The following SLC24A3 variants were observed in gnomAD, a reference collection of about 807,000 sequenced individuals.
SLC24A3 encodes sodium/potassium/calcium exchanger 3.
Under a neutral mutation model 75.8 loss-of-function variants are expected in SLC24A3, and 28 were observed. The observed-to-expected ratio is 0.37, with a 90% confidence interval of 0.27 to 0.51. The LOEUF (loss-of-function observed/expected upper bound fraction) is 0.51, where lower values mean the gene tolerates loss of function less well. Ranked by LOEUF, SLC24A3 falls within the 20% of genes least tolerant of loss-of-function variation. The pLI is 0.94. For missense variants in SLC24A3, 663 were observed against 847.8 expected (o/e 0.78, Z 2.71); for synonymous variants, 372 against 334.1 (o/e 1.11, Z -1.24).
chr20:19,561,532 G>A (rs571131452), intron 3 of SLC24A3, among the ~76,000 whole-genome samples: 34 of 152,116 alleles, frequency 2.2e-4, no homozygotes, highest in Non-Finnish European at 4.4e-4. Flanking sequence ...AGATGCAGTC[G>A]AAGAATAAGC....
chr20:19,598,903 TATAC>T (rs1429556114), intron 6 of SLC24A3, among the ~76,000 whole-genome samples: 7 of 123,348 alleles, frequency 5.7e-5, no homozygotes, highest in African/African-American at 2.4e-4. Flanking sequence ...TATATATGTA[TATAC>T]ACACACACAC....
At position 19,615,177 on chromosome 20, in the gene SLC24A3, T is replaced by A. The variant is rs573039111; in HGVS notation, c.612+29633T>A. ...GGGGAAGAGGAGAGTCATTTAAAAA[T>A]ATATATATCATGGAGGGATCAAATC... On this transcript the variant is annotated intron_variant, in intron 6 of 16. Transcript: ENST00000328041. Among the ~76,000 whole-genome samples the A allele has an allele frequency of 2.2e-4, 33 of 152,218 alleles. No individual in the cohort carries two copies. The South Asian group carries it at 6.0e-3, about 28-fold the overall frequency.
At chr20:19,566,244 A>T (rs1289014638) in intron 3 of SLC24A3, among the ~76,000 whole-genome samples, 1 of 152,232 alleles carries the variant, frequency 6.6e-6, no homozygotes, top group Non-Finnish European at 1.5e-5. Context: ...AAGAGATTGT[A>T]TCTAGAAGCC....
intron 2 of SLC24A3, among the ~76,000 whole-genome samples, chr20:19,359,388 C>A (rs898008475): frequency 6.6e-5 from 10 of 152,142 alleles, no homozygotes; most frequent in Non-Finnish European, 1.3e-4. Context: ...TTTTCAGTAC[C>A]TTCTCTCCCC....
rs1417621004 is a variant in SLC24A3, at chr20:19,258,643, A to C, written c.143-22316A>C. ...CTTGAATCCAGGAGGCGGAAGTTGC[A>C]GTGAGCTGAGATCGCGCCACTGCAC... On this transcript the variant is annotated intron_variant, in intron 1 of 16. Coordinates refer to ENST00000328041, the MANE Select transcript of SLC24A3 (RefSeq NM_020689.4). Among the ~76,000 whole-genome samples the C allele has an allele frequency of 2.6e-5, 4 of 152,212 alleles. No homozygotes were observed. The East Asian group carries it at 7.7e-4, about 29-fold the overall frequency.
chr20:19,535,530 A>G (rs2030379788), intron 3 of SLC24A3, among the ~76,000 whole-genome samples: 1 of 152,208 alleles, frequency 6.6e-6, no homozygotes, highest in Non-Finnish European at 1.5e-5. Context: ...AAACTGACAC[A>G]ACTTCCCCTC....
At chr20:19,602,559 C>A (rs2031540619) in intron 6 of SLC24A3, among the ~76,000 whole-genome samples, 1 of 152,232 alleles carries the variant, frequency 6.6e-6, no homozygotes, top group African/African-American at 2.4e-5. Context: ...CCAATCCAAA[C>A]TTCCAACCCA....
Position 19,685,494 on chromosome 20 carries a change from G to A in SLC24A3, c.1324+133G>A, listed in dbSNP as rs528229167. On this transcript the variant is annotated intron_variant, in intron 12 of 16. Coordinates refer to ENST00000328041, the MANE Select transcript of SLC24A3 (RefSeq NM_020689.4). ...ATGAACATGAGACTATGTATATCAA[G>A]TCTCCTTTGGGCAGGACTTTGTTGT... 71 of 1,408,220 alleles carry A rather than the reference G, an allele frequency of 5.0e-5. No individual in the cohort carries two copies. In the Middle Eastern group the frequency reaches 9.8e-4, roughly 20 times the overall value. 87.2% of individuals were successfully genotyped at this position (1,408,220 alleles called of 1,614,324 possible). A position where few individuals can be genotyped will look rare whatever the true frequency, so the allele number is the denominator to read the frequency against.
At chr20:19,398,540 C>A (rs1986496744) in intron 2 of SLC24A3, among the ~76,000 whole-genome samples, 1 of 152,110 alleles carries the variant, frequency 6.6e-6, no homozygotes, top group African/African-American at 2.4e-5. Flanking sequence ...TATCTTGCAA[C>A]CTTGTGAAAC....
At chr20:19,475,341 G>GA (rs796924827) in intron 2 of SLC24A3, among the ~76,000 whole-genome samples, 176 of 143,544 alleles carry the variant, frequency 1.2e-3, no homozygotes, top group Admixed American at 2.0e-3. Context: ...TCTGTCTCAA[G>GA]AAAAAAAAAA....
intron 6 of SLC24A3, among the ~76,000 whole-genome samples, chr20:19,634,572 T>TG: frequency 6.6e-6 from 1 of 152,012 alleles, no homozygotes. Context: ...TGCTCAACAA[T>TG]AAAAAAGAGA....
chr20:19,393,657 G>T (rs1117621), intron 2 of SLC24A3, among the ~76,000 whole-genome samples: 2,951 of 152,092 alleles, frequency 0.019, 103 homozygotes, highest in African/African-American at 0.066. Context: ...AAGGAGGAAG[G>T]CAAGAGATTT....
chr20:19,403,832 G>A, intron 2 of SLC24A3, among the ~76,000 whole-genome samples: 1 of 152,182 alleles, frequency 6.6e-6, no homozygotes, highest in East Asian at 1.9e-4. Context: ...ATATCATCAG[G>A]TGGTAGAGCC....
At chr20:19,409,745 T>C (rs1209372824) in intron 2 of SLC24A3, among the ~76,000 whole-genome samples, 1 of 152,140 alleles carries the variant, frequency 6.6e-6, no homozygotes. Flanking sequence ...CACTACTATG[T>C]TGAATTTTAA....
At chr20:19,485,630 A>G (rs1416955646) in intron 2 of SLC24A3, among the ~76,000 whole-genome samples, 3 of 152,184 alleles carry the variant, frequency 2.0e-5, no homozygotes, top group African/African-American at 7.2e-5. Context: ...TAATATATCT[A>G]TTCAAACATA....
chr20:19,659,849 T>G (rs2032306929), intron 7 of SLC24A3, among the ~76,000 whole-genome samples: 1 of 152,208 alleles, frequency 6.6e-6, no homozygotes, highest in Non-Finnish European at 1.5e-5. Context: ...GAGGGTTACC[T>G]TCACTTACTT....
intron 6 of SLC24A3, among the ~76,000 whole-genome samples, chr20:19,593,140 T>C (rs2031403092): frequency 6.6e-6 from 1 of 152,218 alleles, no homozygotes; most frequent in Non-Finnish European, 1.5e-5. Context: ...CTTACCATCA[T>C]GGCAGCTGAG....
At chr20:19,602,976 C>A (rs1255127456) in intron 6 of SLC24A3, among the ~76,000 whole-genome samples, 2 of 152,202 alleles carry the variant, frequency 1.3e-5, no homozygotes, top group African/African-American at 4.8e-5. Context: ...TTAGGAAGAG[C>A]CTGGCATGTT....
At chr20:19,548,257 T>C (rs1270915454) in intron 3 of SLC24A3, among the ~76,000 whole-genome samples, 1 of 152,230 alleles carries the variant, frequency 6.6e-6, no homozygotes, top group Non-Finnish European at 1.5e-5. Flanking sequence ...AGCACACTTG[T>C]CTCAAATTAG....
Sources: gnomAD v4.1 joint callset for allele counts (sites outside exome capture counted in the v4.1 genomes callset) on GRCh38, gnomAD v4.1.1 for gene constraint, MANE v1.5 for transcripts, NCBI Gene and HGNC (gene_info 2026-07-23, HGNC 2026-07-21) for gene names.